Variants in KIAA1328 observed in about 807,000 individuals in gnomAD.
KIAA1328 encodes KIAA1328.
A neutral mutation model predicts 68.1 loss-of-function variants in KIAA1328; 52 were observed. The observed-to-expected ratio is 0.76, with a 90% CI of 0.61 to 0.96. The LOEUF (loss-of-function observed/expected upper bound fraction) is 0.96, where lower values mean the gene tolerates loss of function less well. Among genes scored for constraint, KIAA1328 ranks in the 40% least tolerant of loss-of-function variants. The probability of loss-of-function intolerance (pLI) is 0.00; values close to 1 mark genes in which losing one functional copy is unlikely to be tolerated. For synonymous variants in KIAA1328, 232 were observed against 239.4 expected (o/e 0.97, Z 0.28); for missense variants, 641 against 677.6 (o/e 0.95, Z 0.60).
chr18:36,871,354 G>T (rs1010242437), intron 4 of KIAA1328, among the ~76,000 whole-genome samples: 4 of 152,088 alleles, frequency 2.6e-5, no homozygotes, highest in African/African-American at 9.7e-5. Context: ...GAAGTGATGT[G>T]TCTTTTCAAT....
At position 37,073,222 on chromosome 18, in the gene KIAA1328, C is replaced by T. The variant is rs181441397; in HGVS notation, c.1232+5677C>T. On this transcript the variant is annotated intron_variant, in intron 7 of 9. Transcript: ENST00000280020. ...CAAAAGAAACTGTCATCAGAGTGAA[C>T]AGGTAACCCACACAATGGGAGAAAA... is the stretch of plus-strand genomic sequence containing the variant. Among the ~76,000 whole-genome samples the T allele has an allele frequency of 1.2e-4, 19 of 152,240 alleles. No individual in the cohort carries two copies. In the East Asian group the frequency reaches 3.7e-3, roughly 29 times the overall value.
chr18:36,893,465 T>TTGTG (rs141803952), intron 5 of KIAA1328, among the ~76,000 whole-genome samples: 3,971 of 120,604 alleles, frequency 0.033, 91 homozygotes, highest in South Asian at 0.049. Flanking sequence ...GTGTGTGTTT[T>TTGTG]TGTGTGTGTG....
At chr18:36,938,612 TTTAC>T (rs2050591454) in intron 5 of KIAA1328, among the ~76,000 whole-genome samples, 1 of 152,218 alleles carries the variant, frequency 6.6e-6, no homozygotes, top group South Asian at 2.1e-4. Flanking sequence ...TTTGTCTATC[TTTAC>T]TTTCGTTGCC....
intron 3 of KIAA1328, among the ~76,000 whole-genome samples, chr18:36,843,088 T>TA (rs1466831200): frequency 1.3e-5 from 2 of 152,174 alleles, no homozygotes; most frequent in East Asian, 3.9e-4. Context: ...TAAAGAATAA[T>TA]AAAAAATCTT....
In KIAA1328 at chr18:36,949,603, C is replaced by G. The variant is rs539083664; in HGVS notation, c.449-9705C>G. ...AAGTCTGTTTCTACCCAGCTCCCCC[C>G]CCCCCACCCCCCGATCTTGATTTGC... On this transcript the variant is annotated intron_variant, in intron 5 of 9. Transcript: ENST00000280020. Among the ~76,000 whole-genome samples the G allele has an allele frequency of 1.2e-3, 111 of 95,546 alleles. 4 individuals carry two copies. The South Asian group carries it at 0.016, about 14-fold the overall frequency. 62.7% of individuals were successfully genotyped at this position (95,546 alleles called of 152,430 possible). A position where few individuals can be genotyped will look rare whatever the true frequency, so the allele number is the denominator to read the frequency against.
intron 7 of KIAA1328, among the ~76,000 whole-genome samples, chr18:37,074,414 T>G (rs2056640296): frequency 6.6e-6 from 1 of 152,220 alleles, no homozygotes; most frequent in South Asian, 2.1e-4. Flanking sequence ...TTTCTCCCTG[T>G]CACTTTCAGG....
intron 6 of KIAA1328, among the ~76,000 whole-genome samples, chr18:36,970,555 C>G (rs1360128341): frequency 6.6e-6 from 1 of 152,112 alleles, no homozygotes; most frequent in Non-Finnish European, 1.5e-5. Context: ...TTAGAAAACC[C>G]CATTGTCTGA....
rs2052358202 is a variant in KIAA1328, at chr18:36,973,965, A to G, written c.576+14530A>G. Reference sequence around the variant, plus strand: ...GTTACAGATTCAAAATGAAACCTGAAAAGTATTTAAACTGATAATGTGATA... The same window carrying G: ...GTTACAGATTCAAAATGAAACCTGAGAAGTATTTAAACTGATAATGTGATA... On this transcript the variant is annotated intron_variant, in intron 6 of 9. Coordinates refer to ENST00000280020, the MANE Select transcript of KIAA1328 (RefSeq NM_020776.3). 2.0e-5 allele frequency among the ~76,000 whole-genome samples: 3 copies of G among 152,142 alleles called. No individual in the cohort carries two copies. In the South Asian group the frequency reaches 6.2e-4, roughly 31 times the overall value.
chr18:36,955,434 C>T (rs1035449048), intron 5 of KIAA1328, among the ~76,000 whole-genome samples: 10 of 151,952 alleles, frequency 6.6e-5, no homozygotes, highest in African/African-American at 2.2e-4. Flanking sequence ...CTCAGCCTCC[C>T]GAGTAGCTGG....
chr18:37,101,858 A>G (rs996683573), intron 7 of KIAA1328, among the ~76,000 whole-genome samples: 4 of 152,232 alleles, frequency 2.6e-5, no homozygotes, highest in African/African-American at 4.8e-5. Flanking sequence ...GTGGGGGCCA[A>G]TATTCAACAT....
chr18:36,868,954 C>T (rs56822468), intron 4 of KIAA1328, among the ~76,000 whole-genome samples: 20,683 of 151,154 alleles, frequency 0.14, 1,758 homozygotes, highest in Admixed American at 0.19. Context: ...TTAAACTGAT[C>T]GTAACTTTTT....
chr18:37,071,558 TACC>T (rs2056535725), intron 7 of KIAA1328, among the ~76,000 whole-genome samples: 2 of 152,192 alleles, frequency 1.3e-5, no homozygotes, highest in African/African-American at 2.4e-5. Flanking sequence ...TAGTAGGTAT[TACC>T]AGTATTATAA....
chr18:37,133,591 T>TCTCTG (rs1332285134), intron 7 of KIAA1328, among the ~76,000 whole-genome samples: 2 of 149,532 alleles, frequency 1.3e-5, no homozygotes, highest in East Asian at 4.0e-4. Flanking sequence ...AGTGGCCCGA[T>TCTCTG]CTCTGCTCAC....
chr18:37,102,180 G>T (rs569632470), intron 7 of KIAA1328, among the ~76,000 whole-genome samples: 3 of 152,156 alleles, frequency 2.0e-5, no homozygotes, highest in Admixed American at 6.5e-5. Context: ...TTTATGCCAG[G>T]AATGCAAAGA....
chr18:36,933,423 G>C (rs938175351), intron 5 of KIAA1328, among the ~76,000 whole-genome samples: 7 of 152,138 alleles, frequency 4.6e-5, no homozygotes, highest in Admixed American at 3.9e-4. Context: ...CAGGCCACGG[G>C]GCCCTCTTGG....
At chr18:36,848,675 T>C (rs1331551447) in intron 4 of KIAA1328, among the ~76,000 whole-genome samples, 2 of 150,424 alleles carry the variant, frequency 1.3e-5, no homozygotes, top group Non-Finnish European at 3.0e-5. Flanking sequence ...TTATGTACAA[T>C]GTAAGCTGTA....
intron 6 of KIAA1328, among the ~76,000 whole-genome samples, chr18:37,051,242 A>G (rs2151665387): frequency 6.6e-6 from 1 of 152,174 alleles, no homozygotes; most frequent in Admixed American, 6.5e-5. Context: ...CAAAAAAAAA[A>G]ACATATAAAA....
intron 5 of KIAA1328, chr18:36,902,231 A>G (rs1196919692): frequency 3.3e-5 from 5 of 150,818 alleles, no homozygotes; most frequent in Non-Finnish European, 7.4e-5. Flanking sequence ...GCTATTTGTG[A>G]TTGCGTTCTT....
intron 9 of KIAA1328, among the ~76,000 whole-genome samples, chr18:37,191,624 C>T (rs1370069429): frequency 6.6e-6 from 1 of 152,128 alleles, no homozygotes; most frequent in Non-Finnish European, 1.5e-5. Context: ...AGGAAACACA[C>T]TGTATATGAT....
Sources: gnomAD v4.1 joint callset for allele counts (sites outside exome capture counted in the v4.1 genomes callset) on GRCh38, gnomAD v4.1.1 for gene constraint, MANE v1.5 for transcripts, NCBI Gene and HGNC (gene_info 2026-07-23, HGNC 2026-07-21) for gene names.